Variants in MAD2L2 observed in about 807,000 individuals in gnomAD.
MAD2L2 encodes the protein mitotic arrest deficient 2 like 2, also known as mitotic spindle assembly checkpoint protein MAD2B.
Under a neutral mutation model 30.5 loss-of-function variants are expected in MAD2L2, and 17 were observed. The observed-to-expected ratio is 0.56, with a 90% CI of 0.38 to 0.84. MAD2L2 has a LOEUF of 0.84. Among genes scored for constraint, MAD2L2 ranks in the 40% least tolerant of loss-of-function variants. The pLI, the probability that MAD2L2 is intolerant of heterozygous loss-of-function variation, is 0.00. For missense variants in MAD2L2, 213 were observed against 277.4 expected, an observed-to-expected ratio of 0.77 and a Z score of 1.65; for synonymous variants, 101 against 113.9, an observed-to-expected ratio of 0.89 and a Z score of 0.72.
chr1:11,675,105 T>C lies in MAD2L2; in HGVS notation c.571A>G (p.Thr191Ala), dbSNP rs1454975103. Residue 191 changes from threonine to alanine, a missense_variant, in exon 8 of 9, where the codon ACC (threonine) becomes GCC (alanine). Physicochemically the swap from Thr to Ala is moderately conservative, Grantham distance 58. Coordinates refer to ENST00000376692, the MANE Select transcript of MAD2L2 (RefSeq NM_006341.4). ...MHDPRLIPLK[T>A]MTSDILKMQL... ...ACCTTTAAAATGTCCGACGTCATGG[T>C]TTTTAGTGGTATCAGCCGGGGGTCA... 5 of 1,599,952 alleles carry C rather than the reference T, an allele frequency of 3.1e-6. No individual in the cohort carries two copies. The South Asian group carries it at 5.6e-5, about 18-fold the overall frequency.
chr1:11,688,396 C>T lies in MAD2L2; in HGVS notation c.-692+3017G>A, dbSNP rs561583893. Among the ~76,000 whole-genome samples, 11 of 152,188 alleles carry T rather than the reference C, an allele frequency of 7.2e-5. No individual in the cohort carries two copies. The highest frequency in any genetic ancestry group is 2.6e-4 in the African/African-American group (11 of 41,520). ...CTAACATGGGGAAACTCTGTCTCTA[C>T]TAAAAATACAAAAAATTAGCCAGGC... On this transcript the variant is annotated intron_variant, in intron 1 of 10. Transcript: ENST00000235310. The surrounding 1 kb of genome is among the most constrained non-coding windows in gnomAD (Gnocchi z 4.6).
chr1:11,680,041 G>A (rs1205833543), intron 3 of MAD2L2, among the ~76,000 whole-genome samples: 2 of 136,398 alleles, frequency 1.5e-5, no homozygotes, highest in Non-Finnish European at 3.1e-5. Flanking sequence ...TGTCACCCAG[G>A]CTGGAATGCA....
rs1641040372 is a variant in MAD2L2 at position 11,690,476 on chromosome 1, G to A, written c.-692+937C>T. Among the ~76,000 whole-genome samples, 2 of 152,186 alleles carry A rather than the reference G, an allele frequency of 1.3e-5. No individual in the cohort carries two copies. Among genetic ancestry groups the A allele is most frequent in the South Asian group, 4.1e-4 (2 of 4,832 alleles). On this transcript the variant is annotated intron_variant, in intron 1 of 10. Transcript: ENST00000235310. This position sits in a 1 kb window ranked among gnomAD's most constrained non-coding sequence, Gnocchi z 4.2. Reference sequence around the variant, plus strand: ...TTCACGCCTAGAACACTGAAATTTAGGTATAATCATGAGCTCAGAGGTCAG... The same window carrying A: ...TTCACGCCTAGAACACTGAAATTTAAGTATAATCATGAGCTCAGAGGTCAG...
In MAD2L2 at chr1:11,687,869, T is replaced by C. The variant is rs184758345; in HGVS notation, c.-692+3544A>G. On this transcript the variant is annotated intron_variant, in intron 1 of 10. Transcript: ENST00000235310. This position sits in a 1 kb window ranked among gnomAD's most constrained non-coding sequence, Gnocchi z 4.1. Reference sequence around the variant, plus strand: ...CCACATCTGCTTATCCAGTCATCAGTTGATGAATATTGGAGCCTGCTTTGG... The same window carrying C: ...CCACATCTGCTTATCCAGTCATCAGCTGATGAATATTGGAGCCTGCTTTGG... Among the ~76,000 whole-genome samples the C allele has an allele frequency of 8.5e-5, 13 of 152,326 alleles. No homozygotes were observed. The highest frequency in any genetic ancestry group is 3.9e-4 in the East Asian group (2 of 5,186).
In MAD2L2 at chr1:11,677,042, C is replaced by T. The variant is rs531109445; in HGVS notation, c.232-94G>A. On this transcript the variant is annotated intron_variant, in intron 4 of 8. Coordinates refer to ENST00000376692, the MANE Select transcript of MAD2L2 (RefSeq NM_006341.4). The stretch of plus-strand genomic sequence containing the variant: ...CCCTTGCCCAAGGAAGGAGGAGAAA[C>T]GGCCCACTCACAGCCCTGCTCAGCT... 8.7e-5 allele frequency: 83 copies of T among 958,350 alleles called. No homozygotes were observed. The South Asian group carries it at 9.8e-4, about 11-fold the overall frequency. The allele number at this position is 958,350 out of a possible 1,614,324, so 59.4% of individuals were successfully genotyped here. A position where few individuals can be genotyped will look rare whatever the true frequency, so the allele number is the denominator to read the frequency against.
upstream of MAD2L2, among the ~76,000 whole-genome samples, chr1:11,682,516 G>T (rs1002544893): frequency 2.1e-5 from 3 of 140,752 alleles, no homozygotes; most frequent in African/African-American, 8.0e-5. Context: ...AAAGTAACCT[G>T]TAAGTAACCC....
At position 11,687,251 on chromosome 1, in the gene MAD2L2, C is replaced by A. The variant is rs988034885; in HGVS notation, c.-692+4162G>T. On this transcript the variant is annotated intron_variant, in intron 1 of 10. Transcript: ENST00000235310. The surrounding 1 kb of genome is among the most constrained non-coding windows in gnomAD (Gnocchi z 4.1). Reference sequence around the variant, plus strand: ...CAGCTAATTTTTATTTCATTTATTTCTTTTTTGAGACGGAGTCTCTCTCTG... The same window carrying A: ...CAGCTAATTTTTATTTCATTTATTTATTTTTTGAGACGGAGTCTCTCTCTG... 1.5e-4 allele frequency among the ~76,000 whole-genome samples: 23 copies of A among 151,804 alleles called. No homozygotes were observed. The highest frequency in any genetic ancestry group is 5.3e-4 in the African/African-American group (22 of 41,342).
chr1:11,677,830 C>T (rs180959106), intron 3 of MAD2L2, among the ~76,000 whole-genome samples: 216 of 151,910 alleles, frequency 1.4e-3, no homozygotes, highest in African/African-American at 4.9e-3. Flanking sequence ...GAGGCCGAGG[C>T]AGGTGGATCA....
At chr1:11,681,179 G>T (rs1490810258), upstream of MAD2L2, 1 of 152,178 alleles carries the variant, frequency 6.6e-6, no homozygotes, top group Non-Finnish European at 1.5e-5. Context: ...GGGTCCTAGC[G>T]CCCGCCCCGC....
chr1:11,677,641 A>G, intron 3 of MAD2L2, 27 bp from the exon 4 acceptor site: 1 of 1,600,544 alleles, frequency 6.2e-7, no homozygotes, highest in Non-Finnish European at 8.5e-7. Flanking sequence ...GCGGCTCGTG[A>G]GGCCCAAAGC....
At chr1:11,676,499 T>C (rs1640772043) in intron 5 of MAD2L2, among the ~76,000 whole-genome samples, 1 of 152,084 alleles carries the variant, frequency 6.6e-6, no homozygotes, top group Non-Finnish European at 1.5e-5. Flanking sequence ...TGGGGACAGG[T>C]TGGTGCCAGA....
In MAD2L2 at chr1:11,681,118, C is replaced by G. The variant is rs1290702277; in HGVS notation, c.-92G>C. 1 of 152,410 alleles carries G rather than the reference C, an allele frequency of 6.6e-6. No homozygotes were observed. The highest frequency in any genetic ancestry group is 1.5e-5 in the Non-Finnish European group (1 of 68,120). The allele number at this position is 152,410 out of a possible 1,614,324, so 9.4% of individuals were successfully genotyped here. ...CACCGACCGGACCGATCGCGCCTCCCGCTCAACCCGGGGCCTCGGCGCCGC... is the reference window on the plus strand; with the variant it reads ...CACCGACCGGACCGATCGCGCCTCCGGCTCAACCCGGGGCCTCGGCGCCGC... On this transcript the variant is annotated 5_prime_UTR_variant, in exon 1 of 9. Transcript: ENST00000376692.
At chr1:11,680,813 G>A (rs1334103672) in intron 1 of MAD2L2, 200 bp from the exon 2 acceptor site, 31 of 1,271,912 alleles carry the variant, frequency 2.4e-5, no homozygotes, top group Non-Finnish European at 3.1e-5. Flanking sequence ...CTATCCACTG[G>A]CCGCCCGCGC....
rs775666197 is a variant in MAD2L2 at position 11,680,330 on chromosome 1, TGTG to T, written c.159+20_159+22del. The T allele has an allele frequency of 2.5e-6, 4 of 1,591,386 alleles. No homozygotes were observed. The South Asian group carries it at 4.4e-5, about 18-fold the overall frequency. ...TTAAAAGTCCACCCTGTACCCACTC[TGTG>T]GTTCTGGGACGTGCCTCACCTGGAC... On this transcript the variant is annotated intron_variant, in intron 3 of 8. Coordinates refer to ENST00000376692, the MANE Select transcript of MAD2L2 (RefSeq NM_006341.4).
In MAD2L2 at chr1:11,674,904, C is replaced by G; in HGVS notation, c.595-88G>C. The G allele has an allele frequency of 6.6e-7, 1 of 1,505,554 alleles. No individual in the cohort carries two copies. Among genetic ancestry groups the G allele is most frequent in the Non-Finnish European group, 9.2e-7 (1 of 1,083,574 alleles). 93.3% of individuals were successfully genotyped at this position (1,505,554 alleles called of 1,614,324 possible). A position where few individuals can be genotyped will look rare whatever the true frequency, so the allele number is the denominator to read the frequency against. ...ACAGAAGCCCCTGGTGGGCAGACCT[C>G]CACCACAGGTGGGGCCTCGTGGCCA... On this transcript the variant is annotated intron_variant, in intron 8 of 8. Transcript: ENST00000376692. The surrounding 1 kb of genome is among the most constrained non-coding windows in gnomAD (Gnocchi z 6.1).
chr1:11,683,798 C>T (rs1640913761), upstream of MAD2L2, among the ~76,000 whole-genome samples: 1 of 151,994 alleles, frequency 6.6e-6, no homozygotes, highest in Non-Finnish European at 1.5e-5. Context: ...ATGGAGAAAC[C>T]CCATCTCTAC....
chr1:11,675,607 G>A (rs756950405), intron 7 of MAD2L2, 51 bp downstream of exon 7: 21 of 1,570,132 alleles, frequency 1.3e-5, no homozygotes, highest in Admixed American at 3.3e-5. Flanking sequence ...CTGGAACTGC[G>A]ACATCACGTT....
Position 11,680,585 on chromosome 1 carries a change from C to T in MAD2L2, c.17G>A (p.Arg6Gln), listed in dbSNP as rs1389821997. MTTLT[R>Q]QDLNFGQVVA... Reference sequence around the variant, plus strand: ...ACCTTGGCCAAAGTTGAGGTCTTGTCGTGTGAGCGTGGTCATCCTTCCCGC... The same window carrying T: ...ACCTTGGCCAAAGTTGAGGTCTTGTTGTGTGAGCGTGGTCATCCTTCCCGC... The change falls in exon 2 of 9, where the codon CGA becomes CAA. Residue 6 changes from arginine to glutamine, a missense_variant. Arg to Gln is a conservative substitution (Grantham distance 43). Transcript: ENST00000376692. 1 of 1,582,200 alleles carries T rather than the reference C, an allele frequency of 6.3e-7. No homozygotes were observed. Among genetic ancestry groups the T allele is most frequent in the Admixed American group, 1.8e-5 (1 of 56,306 alleles).
At chr1:11,677,461 C>A (rs771171508) in intron 4 of MAD2L2, 82 bp downstream of exon 4, 11 of 1,347,782 alleles carry the variant, frequency 8.2e-6, no homozygotes, top group Non-Finnish European at 1.2e-5. Context: ...TAGCTTCACC[C>A]CATCCCAGAG....
Sources: gnomAD v4.1 joint callset for allele counts (sites outside exome capture counted in the v4.1 genomes callset) on GRCh38, gnomAD v4.1.1 for gene constraint, Gnocchi (gnomAD v3.1) non-coding constraint, MANE v1.5 for transcripts, NCBI Gene and HGNC (gene_info 2026-07-23, HGNC 2026-07-21) for gene names.